HSPBAP1: variants seen among roughly 807,000 people sequenced by gnomAD.
HSPBAP1 encodes HSPB1 associated protein 1.
A neutral mutation model predicts 45.2 loss-of-function variants in HSPBAP1; 27 were observed. The observed-to-expected ratio is 0.60, with a 90% CI of 0.44 to 0.82. The LOEUF (loss-of-function observed/expected upper bound fraction) is 0.82, where lower values mean the gene tolerates loss of function less well. Among genes scored for constraint, HSPBAP1 ranks in the 40% least tolerant of loss-of-function variants. The pLI is 0.00. For missense variants in HSPBAP1, 510 were observed against 590.9 expected (o/e 0.86, Z 1.42); for synonymous variants, 204 against 202.7 (o/e 1.01, Z -0.06).
chr3:122,745,042 A>C (rs1460479561), intron 6 of HSPBAP1, among the ~76,000 whole-genome samples: 2 of 152,220 alleles, frequency 1.3e-5, no homozygotes, highest in Non-Finnish European at 2.9e-5. Context: ...TGGATACTTA[A>C]TATGATAAAA....
In HSPBAP1 at chr3:122,768,809, C is replaced by A; in HGVS notation, c.324G>T (p.Gln108His). 1 of 1,611,812 alleles carries A rather than the reference C, an allele frequency of 6.2e-7. No individual in the cohort carries two copies. Among genetic ancestry groups the A allele is most frequent in the Non-Finnish European group, 8.5e-7 (1 of 1,177,914 alleles). The part of the protein sequence containing the change: ...LEEFLTWNCD[Q>H]SSISGPFRDY... ...CTCTAAATGGTCCAGAAATACTAGACTGGTCACAGTTCCAGGTCAGAAACT... is the reference window on the plus strand; with the variant it reads ...CTCTAAATGGTCCAGAAATACTAGAATGGTCACAGTTCCAGGTCAGAAACT... The change falls in exon 3 of 8, where the codon CAG becomes CAT. Residue 108 changes from glutamine to histidine, a missense_variant. Gln to His is a conservative substitution (Grantham distance 24, BLOSUM62 0). Transcript: ENST00000306103.
At chr3:122,782,384 C>G (rs1020195468) in intron 1 of HSPBAP1, among the ~76,000 whole-genome samples, 1 of 152,216 alleles carries the variant, frequency 6.6e-6, no homozygotes, top group African/African-American at 2.4e-5. Context: ...AACACTGTAA[C>G]TTACTATTTA....
At chr3:122,780,103 A>G (rs1378766647) in intron 1 of HSPBAP1, among the ~76,000 whole-genome samples, 1 of 145,404 alleles carries the variant, frequency 6.9e-6, no homozygotes, top group Non-Finnish European at 1.5e-5. Flanking sequence ...GGCGCCCCTC[A>G]CCTCCCGGAC....
intron 4 of HSPBAP1, 40 bp downstream of exon 4, chr3:122,759,184 T>A (rs963900527): frequency 8.5e-6 from 6 of 705,544 alleles, no homozygotes; most frequent in Non-Finnish European, 1.3e-5. Context: ...ACATGTGCGT[T>A]CCACACACAC....
chr3:122,751,577 A>G (rs1021040410), intron 6 of HSPBAP1, among the ~76,000 whole-genome samples: 6 of 152,232 alleles, frequency 3.9e-5, no homozygotes, highest in Non-Finnish European at 8.8e-5. Context: ...TTTTAAAAAG[A>G]TGACAGCTCT....
chr3:122,774,458 T>C (rs1249299868), intron 2 of HSPBAP1, among the ~76,000 whole-genome samples: 3 of 152,132 alleles, frequency 2.0e-5, no homozygotes. Context: ...ATACAGAAAC[T>C]GAAAAATGCT....
chr3:122,782,069 A>G (rs1935505211), intron 1 of HSPBAP1, among the ~76,000 whole-genome samples: 1 of 152,248 alleles, frequency 6.6e-6, no homozygotes, highest in African/African-American at 2.4e-5. Flanking sequence ...TTCCAACTAC[A>G]TCTTCAAATT....
chr3:122,778,067 T>C (rs576581861), intron 1 of HSPBAP1, among the ~76,000 whole-genome samples, 161 bp from the exon 2 acceptor site: 1 of 152,130 alleles, frequency 6.6e-6, no homozygotes, highest in Non-Finnish European at 1.5e-5. Context: ...ACATGTGGCC[T>C]CAAAAGACCT....
In HSPBAP1 at chr3:122,768,791, T is replaced by C. The variant is rs1576258374; in HGVS notation, c.342A>G (p.Pro114=). The change falls in exon 3 of 8, where the codon CCA becomes CCG. Residue 114 remains proline (P), a synonymous_variant. Transcript: ENST00000306103. The part of the protein sequence containing the change: ...WNCDQSSISG[P]FRDYDHSKFW... ...ACTTGGAATGGTCATAATCTCTAAATGGTCCAGAAATACTAGACTGGTCAC... is the reference window on the plus strand; with the variant it reads ...ACTTGGAATGGTCATAATCTCTAAACGGTCCAGAAATACTAGACTGGTCAC... 6.2e-7 allele frequency: 1 copy of C among 1,611,190 alleles called. No homozygotes were observed. The highest frequency in any genetic ancestry group is 8.5e-7 in the Non-Finnish European group (1 of 1,177,438).
In HSPBAP1 at chr3:122,740,654, A is replaced by G. The variant is rs1933631656; in HGVS notation, c.1158T>C (p.Ser386=). The change falls in exon 8 of 8, where the codon AGT becomes AGC. Residue 386 remains serine (S), a synonymous_variant. Coordinates refer to ENST00000306103, the MANE Select transcript of HSPBAP1 (RefSeq NM_024610.6). The part of the protein sequence containing the change: ...TTGTDKPEAA[S]PFGPDLVPVA... ...CAGGGACCAGATCAGGGCCAAAGGG[A>G]CTTGCTGCCTCCGGTTTGTCTGTTC... 2 of 1,613,988 alleles carry G rather than the reference A, an allele frequency of 1.2e-6. No homozygotes were observed. The highest frequency in any genetic ancestry group is 1.7e-6 in the Non-Finnish European group (2 of 1,180,014).
intron 1 of HSPBAP1, among the ~76,000 whole-genome samples, chr3:122,781,467 A>G (rs993144446): frequency 1.3e-5 from 2 of 152,098 alleles, no homozygotes; most frequent in Non-Finnish European, 2.9e-5. Flanking sequence ...AGGCAGGAGA[A>G]TCAGGCAGGG....
chr3:122,778,535 T>A (rs545682737), intron 1 of HSPBAP1, among the ~76,000 whole-genome samples: 4 of 151,026 alleles, frequency 2.6e-5, no homozygotes, highest in Non-Finnish European at 3.0e-5. Context: ...TTTTTTTTTT[T>A]TTTTGAGACG....
chr3:122,772,849 A>AT (rs113617997), intron 2 of HSPBAP1, among the ~76,000 whole-genome samples: 8,218 of 151,892 alleles, frequency 0.054, 289 homozygotes, highest in Middle Eastern at 0.1. Context: ...TTATTTTTTC[A>AT]TTTTTTTTAC....
At chr3:122,778,760 G>C (rs779860723) in intron 1 of HSPBAP1, among the ~76,000 whole-genome samples, 3 of 152,038 alleles carry the variant, frequency 2.0e-5, no homozygotes. Flanking sequence ...TCGATCTCCT[G>C]ACCTCGTGAT....
chr3:122,744,144 A>G (rs6798268), intron 6 of HSPBAP1, among the ~76,000 whole-genome samples: 3,812 of 152,330 alleles, frequency 0.025, 151 homozygotes, highest in African/African-American at 0.084. Flanking sequence ...CAAAGGAAAA[A>G]TGCTGAGAAT....
chr3:122,762,497 A>C (rs1297741519), intron 3 of HSPBAP1, among the ~76,000 whole-genome samples: 1 of 152,178 alleles, frequency 6.6e-6, no homozygotes, highest in Non-Finnish European at 1.5e-5. Context: ...CAACTAAATT[A>C]TACCAAGGCT....
chr3:122,772,895 A>G (rs564077256), intron 2 of HSPBAP1, among the ~76,000 whole-genome samples: 58 of 152,194 alleles, frequency 3.8e-4, no homozygotes, highest in African/African-American at 1.4e-3. Flanking sequence ...GTCTTACTCC[A>G]TTGCCCAGGC....
At chr3:122,767,512 T>C (rs1161053747) in intron 3 of HSPBAP1, among the ~76,000 whole-genome samples, 1 of 151,996 alleles carries the variant, frequency 6.6e-6, no homozygotes, top group African/African-American at 2.4e-5. Context: ...GAGTCGTAAT[T>C]GCGCCACTGC....
chr3:122,771,442 G>C (rs1020461769), intron 2 of HSPBAP1, among the ~76,000 whole-genome samples: 1 of 152,144 alleles, frequency 6.6e-6, no homozygotes, highest in African/African-American at 2.4e-5. Context: ...ACTGAGGTCA[G>C]GATTTGGCAG....
Sources: gnomAD v4.1 joint callset for allele counts (sites outside exome capture counted in the v4.1 genomes callset) on GRCh38, gnomAD v4.1.1 for gene constraint, MANE v1.5 for transcripts, NCBI Gene and HGNC (gene_info 2026-07-23, HGNC 2026-07-21) for gene names.